Variants in NRG1 observed in about 807,000 individuals in gnomAD.
NRG1 encodes pro-neuregulin-1, membrane-bound isoform.
Under a neutral mutation model 63.8 loss-of-function variants are expected in NRG1, and 18 were observed. The ratio of observed to expected loss-of-function variants is 0.28; its 90% CI spans 0.19 to 0.42. The LOEUF is 0.42. Ranked by LOEUF, NRG1 falls within the 10% of genes least tolerant of loss-of-function variation. NRG1 has a pLI of 1.00. For synonymous variants in NRG1, 302 were observed against 301.3 expected (o/e 1.00, Z -0.02); for missense variants, 762 against 814.7 (o/e 0.94, Z 0.79).
intron 1 of NRG1, among the ~76,000 whole-genome samples, chr8:32,191,324 C>T (rs566165358): frequency 7.2e-4 from 110 of 152,262 alleles, no homozygotes; most frequent in Admixed American, 3.0e-3. Context: ...AAGTGATTCT[C>T]CTGCCTTGGC....
intron 5 of NRG1, among the ~76,000 whole-genome samples, chr8:32,629,471 A>C (rs945030839): frequency 1.6e-4 from 24 of 152,212 alleles, no homozygotes; most frequent in Non-Finnish European, 2.5e-4. Flanking sequence ...CAGTGAGTTA[A>C]TGAATTTTTT....
At chr8:32,573,439 C>T (rs1221991661) in intron 1 of NRG1, among the ~76,000 whole-genome samples, 2 of 152,202 alleles carry the variant, frequency 1.3e-5, no homozygotes. Flanking sequence ...CTGACCTCTG[C>T]TCTATAATAT....
chr8:32,463,386 A>G (rs1714193465), intron 1 of NRG1, among the ~76,000 whole-genome samples: 1 of 152,174 alleles, frequency 6.6e-6, no homozygotes, highest in African/African-American at 2.4e-5. Context: ...TGTTTTCCAT[A>G]ATGGCTATAA....
At chr8:32,673,991 C>G (rs142550532) in intron 5 of NRG1, among the ~76,000 whole-genome samples, 9 of 152,274 alleles carry the variant, frequency 5.9e-5, no homozygotes, top group African/African-American at 2.2e-4. Flanking sequence ...GTAATCTTGA[C>G]TCATTTTAAT....
At chr8:32,558,698 CA>C (rs1410250302) in intron 1 of NRG1, among the ~76,000 whole-genome samples, 1 of 152,114 alleles carries the variant, frequency 6.6e-6, no homozygotes, top group Non-Finnish European at 1.5e-5. Context: ...GACCTTAATG[CA>C]GATGGCCATT....
chr8:32,008,771 A>C (rs1357405822), intron 1 of NRG1, among the ~76,000 whole-genome samples: 1 of 152,090 alleles, frequency 6.6e-6, no homozygotes, highest in Non-Finnish European at 1.5e-5. Flanking sequence ...CGTAAGCCTG[A>C]TGAAATGTCT....
intron 1 of NRG1, among the ~76,000 whole-genome samples, chr8:31,986,321 A>G (rs1321855946): frequency 1.3e-5 from 2 of 152,038 alleles, no homozygotes; most frequent in Non-Finnish European, 2.9e-5. Context: ...AAGAAGCCCT[A>G]CACATATTGA....
At chr8:32,207,949 C>T (rs949013657) in intron 1 of NRG1, among the ~76,000 whole-genome samples, 1 of 152,178 alleles carries the variant, frequency 6.6e-6, no homozygotes, top group African/African-American at 2.4e-5. Flanking sequence ...TTCACCCACA[C>T]AATACCATCC....
intron 1 of NRG1, among the ~76,000 whole-genome samples, chr8:32,558,924 C>G (rs182756563): frequency 7.9e-4 from 119 of 151,512 alleles, no homozygotes; most frequent in African/African-American, 2.6e-3. Context: ...ACTAAAAATC[C>G]AAAAAGTTAG....
At chr8:31,698,976 C>T (rs1331340105) in intron 1 of NRG1, among the ~76,000 whole-genome samples, 1 of 152,140 alleles carries the variant, frequency 6.6e-6, no homozygotes, top group African/African-American at 2.4e-5. Flanking sequence ...CTAAATGGTC[C>T]TAAATGTGGA....
intron 1 of NRG1, among the ~76,000 whole-genome samples, chr8:32,242,976 G>C (rs1401207542): frequency 6.6e-6 from 1 of 152,048 alleles, no homozygotes; most frequent in Non-Finnish European, 1.5e-5. Context: ...TCACAGTGTT[G>C]GCAGCTTTGG....
intron 1 of NRG1, among the ~76,000 whole-genome samples, chr8:31,743,605 T>A (rs1031584208): frequency 2.0e-5 from 3 of 151,886 alleles, no homozygotes; most frequent in Non-Finnish European, 4.4e-5. Flanking sequence ...TGTGTGCACA[T>A]GCACACATCC....
intron 1 of NRG1, among the ~76,000 whole-genome samples, chr8:31,988,403 C>G (rs1810457982): frequency 6.6e-6 from 1 of 152,064 alleles, no homozygotes; most frequent in African/African-American, 2.4e-5. Flanking sequence ...CATGTGGCCA[C>G]CCCTAACTGA....
intron 1 of NRG1, among the ~76,000 whole-genome samples, chr8:32,257,997 C>T (rs1849924868): frequency 6.6e-6 from 1 of 152,122 alleles, no homozygotes. Context: ...AGCTATAGTC[C>T]AAGAAGTGTT....
rs530011121 is a variant in NRG1 at position 32,208,683 on chromosome 8, T to C, written c.38-387145T>C. Among the ~76,000 whole-genome samples, 7 of 152,288 alleles carry C rather than the reference T, an allele frequency of 4.6e-5. No individual in the cohort carries two copies. In the East Asian group the frequency reaches 1.4e-3, roughly 29 times the overall value. On this transcript the variant is annotated intron_variant, in intron 1 of 10. Transcript: ENST00000519301. ...TTATGTATACGGATGCTCCTGACAG[T>C]TGGATTTACAATAGGGAAAAGCTGG...
chr8:32,381,587 A>G (rs1367426980), intron 1 of NRG1, among the ~76,000 whole-genome samples: 1 of 152,212 alleles, frequency 6.6e-6, no homozygotes, highest in African/African-American at 2.4e-5. Flanking sequence ...TATCTAGAAG[A>G]CTGATAATAC....
At chr8:32,490,598 A>G (rs1258603134) in intron 1 of NRG1, among the ~76,000 whole-genome samples, 1 of 152,140 alleles carries the variant, frequency 6.6e-6, no homozygotes, top group African/African-American at 2.4e-5. Flanking sequence ...CAGAAGCATA[A>G]CTCATCTCCC....
At chr8:31,716,586 C>CA (rs1472674531) in intron 1 of NRG1, among the ~76,000 whole-genome samples, 1 of 152,198 alleles carries the variant, frequency 6.6e-6, no homozygotes, top group African/African-American at 2.4e-5. Context: ...CCTCCACTTA[C>CA]AAATTCTTTT....
At chr8:32,579,500 A>T (rs1241283120) in intron 1 of NRG1, among the ~76,000 whole-genome samples, 1 of 151,922 alleles carries the variant, frequency 6.6e-6, no homozygotes, top group Non-Finnish European at 1.5e-5. Context: ...ATGGTTTTCC[A>T]CCTCCATTCC....
Sources: allele counts gnomAD v4.1 joint callset (sites outside exome capture counted in the v4.1 genomes callset), GRCh38; gene constraint gnomAD v4.1.1; transcripts MANE v1.5; gene names NCBI Gene and HGNC (gene_info 2026-07-23, HGNC 2026-07-21).